The following CNTN5 variants were observed in gnomAD, a reference collection of about 807,000 sequenced individuals.
The protein encoded by CNTN5 is contactin 5, also known as contactin-5.
Under a neutral mutation model 129.1 loss-of-function variants are expected in CNTN5, and 77 were observed. The ratio of observed to expected loss-of-function variants is 0.60; its 90% CI spans 0.50 to 0.72. CNTN5 has a LOEUF of 0.72. Among genes scored for constraint, CNTN5 ranks in the 30% least tolerant of loss-of-function variants. The pLI is 0.00. For synonymous variants in CNTN5, 509 were observed against 465.6 expected, an observed-to-expected ratio of 1.09 and a Z score of -1.20; for missense variants, 1,478 against 1,328.8, an observed-to-expected ratio of 1.11 and a Z score of -1.75.
chr11:100,086,596 A>G (rs1202920798), intron 13 of CNTN5, among the ~76,000 whole-genome samples: 1 of 151,278 alleles, frequency 6.6e-6, no homozygotes, highest in Non-Finnish European at 1.5e-5. Context: ...AGAAAGCATA[A>G]AATAATTCAG....
chr11:99,740,518 G>C lies in CNTN5; in HGVS notation c.56-79026G>C, dbSNP rs893596501. Among the ~76,000 whole-genome samples, 8 of 152,278 alleles carry C rather than the reference G, an allele frequency of 5.3e-5. No homozygotes were observed. In the South Asian group the frequency reaches 1.0e-3, roughly 20 times the overall value. ...TTTGAAGTGAAAGAGAAGAAATGTG[G>C]AGAGACTGTGTGTGTTAGGTCTGCA... On this transcript the variant is annotated intron_variant, in intron 3 of 24. Transcript: ENST00000524871.
intron 1 of CNTN5, among the ~76,000 whole-genome samples, chr11:99,147,629 G>C (rs1859852058): frequency 6.6e-6 from 1 of 152,112 alleles, no homozygotes; most frequent in Admixed American, 6.6e-5. Context: ...AACTTCTGCT[G>C]TCCTTTTCCC....
chr11:99,950,688 T>C lies in CNTN5; in HGVS notation c.674-6118T>C, dbSNP rs1950654040. 1.3e-5 allele frequency among the ~76,000 whole-genome samples: 2 copies of C among 152,208 alleles called. 1 individual carries two copies. The highest frequency in any genetic ancestry group is 4.1e-4 in the South Asian group (2 of 4,838). On this transcript the variant is annotated intron_variant, in intron 7 of 24. Transcript: ENST00000524871. ...AAAATTGTGCTTTATGCTAGATAGT[T>C]TATCCTGAGCCAATAGCTCCCCTAT...
chr11:99,465,602 A>C (rs551919297), intron 2 of CNTN5, among the ~76,000 whole-genome samples: 96 of 148,058 alleles, frequency 6.5e-4, no homozygotes, highest in African/African-American at 2.3e-3. Context: ...GTAGGAAATC[A>C]GTATATATAT....
At chr11:100,000,302 C>G (rs139196569) in intron 8 of CNTN5, among the ~76,000 whole-genome samples, 1,598 of 152,272 alleles carry the variant, frequency 0.01, 35 homozygotes, top group African/African-American at 0.037. Context: ...TAAATGTTCC[C>G]ATTCCAAATG....
chr11:100,204,297 A>ATATAT (rs1555039166), intron 15 of CNTN5, among the ~76,000 whole-genome samples: 270 of 17,654 alleles, frequency 0.015, 37 homozygotes, highest in South Asian at 0.073. Flanking sequence ...AACATTGACT[A>ATATAT]ATATATATAT....
At chr11:99,642,859 G>A (rs531439690) in intron 3 of CNTN5, among the ~76,000 whole-genome samples, 2 of 152,228 alleles carry the variant, frequency 1.3e-5, no homozygotes, top group South Asian at 2.1e-4. Context: ...TTAGCCCTGT[G>A]CTTGACTTAT....
At chr11:99,258,036 T>TC in intron 1 of CNTN5, among the ~76,000 whole-genome samples, 1 of 152,096 alleles carries the variant, frequency 6.6e-6, no homozygotes, top group Middle Eastern at 3.4e-3. Flanking sequence ...AATGCCTTTC[T>TC]CCCCCTGAAC....
At chr11:99,837,197 A>G (rs1006823453) in intron 4 of CNTN5, among the ~76,000 whole-genome samples, 1 of 152,156 alleles carries the variant, frequency 6.6e-6, no homozygotes, top group Non-Finnish European at 1.5e-5. Context: ...GTTTCTGATG[A>G]TGATATACAG....
chr11:99,355,668 A>G (rs1229073960), intron 2 of CNTN5, among the ~76,000 whole-genome samples: 1 of 152,120 alleles, frequency 6.6e-6, no homozygotes, highest in Non-Finnish European at 1.5e-5. Flanking sequence ...GGTTTTCTTC[A>G]ATGACTTAGT....
intron 1 of CNTN5, among the ~76,000 whole-genome samples, chr11:99,051,948 T>G (rs1864442494): frequency 6.6e-6 from 1 of 151,918 alleles, no homozygotes; most frequent in African/African-American, 2.4e-5. Context: ...TAGTTAGCTC[T>G]GACTATTCTT....
intron 9 of CNTN5, among the ~76,000 whole-genome samples, chr11:100,012,154 G>T (rs1305052183): frequency 4.6e-5 from 7 of 152,138 alleles, no homozygotes. Context: ...TCACAGGAAA[G>T]TGGTGCATTA....
intron 2 of CNTN5, among the ~76,000 whole-genome samples, chr11:99,506,842 A>C (rs1447206407): frequency 6.6e-6 from 1 of 152,228 alleles, no homozygotes; most frequent in Non-Finnish European, 1.5e-5. Context: ...ATCAATAACC[A>C]AAATGCCCAA....
At chr11:99,068,696 C>T (rs764006447) in intron 1 of CNTN5, among the ~76,000 whole-genome samples, 13 of 151,924 alleles carry the variant, frequency 8.6e-5, no homozygotes, top group Non-Finnish European at 1.8e-4. Flanking sequence ...GCTAGAAGCT[C>T]ACTTTGAATG....
chr11:99,319,031 C>G (rs1865456846), intron 1 of CNTN5, among the ~76,000 whole-genome samples: 1 of 152,048 alleles, frequency 6.6e-6, no homozygotes, highest in African/African-American at 2.4e-5. Context: ...CTGTGCTATT[C>G]CAGATTCTAA....
rs1463459682 is a variant in CNTN5, at chr11:99,845,152, C to G, written c.467C>G (p.Thr156Ser). ...SDYRYSLIDG[T>S]FIISNPSEAK... The stretch of plus-strand genomic sequence containing the variant: ...TATCGCTACAGTTTGATAGATGGCA[C>G]CTTCATTATAAGCAATCCAAGTGAA... The change falls in exon 6 of 25, where the codon ACC (threonine) becomes AGC (serine). Residue 156 changes from threonine (T) to serine (S), a missense_variant. Physicochemically the swap from Thr to Ser is moderately conservative, Grantham distance 58 (BLOSUM62 1). Transcript: ENST00000524871. 1.2e-6 allele frequency: 2 copies of G among 1,613,642 alleles called. No individual in the cohort carries two copies. The highest frequency in any genetic ancestry group is 2.2e-5 in the East Asian group (1 of 44,814).
chr11:99,220,962 C>G (rs1193600384), intron 1 of CNTN5, among the ~76,000 whole-genome samples: 1 of 151,756 alleles, frequency 6.6e-6, no homozygotes, highest in East Asian at 1.9e-4. Flanking sequence ...AATTGCCCCA[C>G]TTGTCCTGAA....
intron 16 of CNTN5, among the ~76,000 whole-genome samples, chr11:100,245,075 G>A (rs1949815495): frequency 6.6e-6 from 1 of 152,024 alleles, no homozygotes; most frequent in Admixed American, 6.6e-5. Context: ...AAACAATAAA[G>A]AAATCCACTG....
At chr11:99,987,430 T>G (rs1348332516) in intron 8 of CNTN5, among the ~76,000 whole-genome samples, 2 of 151,586 alleles carry the variant, frequency 1.3e-5, no homozygotes, top group Non-Finnish European at 2.9e-5. Context: ...AGTATTCATA[T>G]ATACATAATA....
Sources: gnomAD v4.1 joint callset for allele counts (sites outside exome capture counted in the v4.1 genomes callset) on GRCh38, gnomAD v4.1.1 for gene constraint, MANE v1.5 for transcripts, NCBI Gene and HGNC (gene_info 2026-07-23, HGNC 2026-07-21) for gene names.